The following CHCHD6 variants were observed in gnomAD, a reference collection of about 807,000 sequenced individuals.
CHCHD6 encodes the protein coiled-coil-helix-coiled-coil-helix domain containing 6.
CHCHD6 carries 28 observed loss-of-function variants against 32.3 expected under a neutral mutation model. The observed-to-expected ratio is 0.87, with a 90% CI of 0.64 to 1.19. The LOEUF is 1.19. CHCHD6 is among the 50% of genes most tolerant of loss of function. CHCHD6 has a pLI of 0.00. For synonymous variants in CHCHD6, 122 were observed against 117.5 expected (o/e 1.04, Z -0.25); for missense variants, 333 against 307.0 (o/e 1.08, Z -0.63).
At chr3:126,957,720 G>A (rs2078806939) in intron 7 of CHCHD6, 169 bp downstream of exon 7, 1 of 802,354 alleles carries the variant, frequency 1.2e-6, no homozygotes, top group Non-Finnish European at 2.0e-6. Flanking sequence ...TCAGTCACCT[G>A]CACACTCTCC....
chr3:126,920,088 A>T (rs985416355), intron 6 of CHCHD6, among the ~76,000 whole-genome samples: 62 of 151,640 alleles, frequency 4.1e-4, no homozygotes, highest in Non-Finnish European at 7.7e-4. Flanking sequence ...CTATAGTTGG[A>T]GTTCTCCTTA....
At chr3:126,832,620 T>C (rs1054677859) in intron 4 of CHCHD6, among the ~76,000 whole-genome samples, 29 of 152,224 alleles carry the variant, frequency 1.9e-4, no homozygotes, top group African/African-American at 6.5e-4. Flanking sequence ...TTCTTGCCTT[T>C]GCCAAGAGGA....
intron 4 of CHCHD6, among the ~76,000 whole-genome samples, chr3:126,750,733 T>A (rs1936688850): frequency 6.6e-6 from 1 of 152,256 alleles, no homozygotes; most frequent in South Asian, 2.1e-4. Flanking sequence ...TGCTAATTCC[T>A]TTTGCAATGA....
intron 4 of CHCHD6, among the ~76,000 whole-genome samples, chr3:126,818,713 C>T (rs762748510): frequency 3.9e-5 from 6 of 152,168 alleles, no homozygotes; most frequent in Admixed American, 6.5e-5. Context: ...TACCAAGGAC[C>T]GTTTCTCAGC....
chr3:126,936,186 C>T (rs9834167), intron 6 of CHCHD6, among the ~76,000 whole-genome samples: 1,704 of 152,312 alleles, frequency 0.011, 29 homozygotes, highest in African/African-American at 0.039. Flanking sequence ...CCTCCTCCTG[C>T]GACTCCTTAG....
chr3:126,948,641 C>T (rs2078673557), intron 6 of CHCHD6, among the ~76,000 whole-genome samples: 1 of 152,214 alleles, frequency 6.6e-6, no homozygotes, highest in African/African-American at 2.4e-5. Context: ...AACCTTTGCA[C>T]ATGTCTAGTT....
intron 4 of CHCHD6, among the ~76,000 whole-genome samples, chr3:126,745,029 C>T (rs1162388534): frequency 6.6e-6 from 1 of 152,146 alleles, no homozygotes; most frequent in African/African-American, 2.4e-5. Context: ...GAGCCTTGTT[C>T]TAGTGAAGTT....
intron 6 of CHCHD6, chr3:126,953,216 C>T (rs2078740267): frequency 1.2e-6 from 1 of 819,000 alleles, no homozygotes; most frequent in Non-Finnish European, 1.5e-6. Context: ...GTGTTCTTTC[C>T]ACTAGACCAA....
intron 4 of CHCHD6, among the ~76,000 whole-genome samples, chr3:126,800,994 C>T (rs74405815): frequency 0.089 from 13,550 of 152,232 alleles, 699 homozygotes; most frequent in Admixed American, 0.15. Flanking sequence ...TTAACTATAA[C>T]GAGATGACTC....
At chr3:126,938,779 C>T (rs898300560) in intron 6 of CHCHD6, among the ~76,000 whole-genome samples, 2 of 152,146 alleles carry the variant, frequency 1.3e-5, no homozygotes, top group Non-Finnish European at 2.9e-5. Context: ...CTGTGTGGCT[C>T]CCACAGGTCC....
chr3:126,765,461 A>G (rs1037955037), intron 4 of CHCHD6, among the ~76,000 whole-genome samples: 2 of 152,070 alleles, frequency 1.3e-5, no homozygotes, highest in Non-Finnish European at 2.9e-5. Flanking sequence ...TGGTAATCTC[A>G]AATATTTGGT....
chr3:126,932,213 T>C (rs910782336), intron 6 of CHCHD6, among the ~76,000 whole-genome samples: 1 of 152,152 alleles, frequency 6.6e-6, no homozygotes, highest in Non-Finnish European at 1.5e-5. Flanking sequence ...AACACCACGC[T>C]TTGCAGATCT....
chr3:126,884,130 G>C (rs2077648494), intron 5 of CHCHD6, among the ~76,000 whole-genome samples: 1 of 152,216 alleles, frequency 6.6e-6, no homozygotes, highest in Admixed American at 6.5e-5. Context: ...CTGGGACACA[G>C]CTGGATCTGA....
chr3:126,945,375 A>G (rs1326588861), intron 6 of CHCHD6, among the ~76,000 whole-genome samples: 2 of 151,926 alleles, frequency 1.3e-5, no homozygotes, highest in African/African-American at 2.4e-5. Flanking sequence ...AGATCCCTCT[A>G]GTTGATGTCA....
chr3:126,946,054 G>A (rs886866400), intron 6 of CHCHD6, among the ~76,000 whole-genome samples: 6 of 152,036 alleles, frequency 3.9e-5, no homozygotes, highest in African/African-American at 9.7e-5. Context: ...AGAGCCTCCC[G>A]CAGCCCCACA....
At chr3:126,798,564 T>C (rs992779326) in intron 4 of CHCHD6, among the ~76,000 whole-genome samples, 4 of 151,896 alleles carry the variant, frequency 2.6e-5, no homozygotes, top group African/African-American at 9.7e-5. Context: ...TCCTCTCGGC[T>C]CCCCGATGGT....
rs116481607 is a variant in CHCHD6, at chr3:126,871,566, C to T, written c.495+18836C>T. Among the ~76,000 whole-genome samples, 1,066 of 152,076 alleles carry T rather than the reference C, an allele frequency of 7.0e-3. 12 individuals are homozygous for T. Among genetic ancestry groups the T allele is most frequent in the African/African-American group, 0.024 (1,010 of 41,474 alleles). The stretch of plus-strand genomic sequence containing the variant: ...ATGACGTGTTCCCTCAAGGGAGCCC[C>T]GTCCCCACCCTATGAGTAGCGAGCC... On this transcript the variant is annotated intron_variant, in intron 5 of 7. Coordinates refer to ENST00000290913, the MANE Select transcript of CHCHD6 (RefSeq NM_032343.3).
At chr3:126,800,508 G>A (rs571274828) in intron 4 of CHCHD6, among the ~76,000 whole-genome samples, 1 of 152,308 alleles carries the variant, frequency 6.6e-6, no homozygotes, top group Admixed American at 6.5e-5. Flanking sequence ...TGAAAGTGGG[G>A]TTCAGGTGGA....
At chr3:126,782,399 G>A (rs1937987723) in intron 4 of CHCHD6, among the ~76,000 whole-genome samples, 1 of 152,164 alleles carries the variant, frequency 6.6e-6, no homozygotes, top group Admixed American at 6.5e-5. Context: ...ACATTTCATT[G>A]ACGGTTGAGT....
Sources: gnomAD v4.1 joint callset for allele counts (sites outside exome capture counted in the v4.1 genomes callset) on GRCh38, gnomAD v4.1.1 for gene constraint, MANE v1.5 for transcripts, NCBI Gene and HGNC (gene_info 2026-07-23, HGNC 2026-07-21) for gene names.